The following KCTD15 variants were observed in gnomAD, a reference collection of about 807,000 sequenced individuals.
KCTD15 encodes BTB/POZ domain-containing protein KCTD15.
KCTD15 carries 11 observed loss-of-function variants against 27.2 expected under a neutral mutation model. That is an observed-to-expected ratio of 0.41 (90% CI 0.25 to 0.67). The LOEUF (loss-of-function observed/expected upper bound fraction) is 0.67. Among genes scored for constraint, KCTD15 ranks in the 30% least tolerant of loss-of-function variants. KCTD15 has a pLI of 0.35. For synonymous variants in KCTD15, 163 were observed against 176.0 expected, an observed-to-expected ratio of 0.93 and a Z score of 0.58; for missense variants, 350 against 409.3, an observed-to-expected ratio of 0.86 and a Z score of 1.25.
intron 6 of KCTD15, chr19:33,811,973 G>A (rs1975940342): frequency 2.7e-6 from 4 of 1,495,210 alleles, no homozygotes; most frequent in East Asian, 2.4e-5. Flanking sequence ...GCACCCACCA[G>A]CTGCCAAGAG....
At chr19:33,794,803 A>G (rs1047034314), upstream of KCTD15, among the ~76,000 whole-genome samples, 4 of 152,240 alleles carry the variant, frequency 2.6e-5, no homozygotes, top group Admixed American at 1.3e-4. Flanking sequence ...TGGGATGTGC[A>G]TTGATGGAGG....
At chr19:33,810,630 A>AC (rs777901385) in intron 5 of KCTD15, among the ~76,000 whole-genome samples, 8 of 151,068 alleles carry the variant, frequency 5.3e-5, no homozygotes, top group Admixed American at 4.7e-4. Context: ...GAGCCACTGC[A>AC]CTCCAGCCTG....
At chr19:33,794,648 G>A (rs1249255654), upstream of KCTD15, among the ~76,000 whole-genome samples, 2 of 152,212 alleles carry the variant, frequency 1.3e-5, no homozygotes, top group East Asian at 1.9e-4. Flanking sequence ...GGGGGAGGAC[G>A]TTTCTGTCCA....
intron 2 of KCTD15, among the ~76,000 whole-genome samples, chr19:33,800,153 A>G (rs1476177563): frequency 6.6e-6 from 1 of 152,212 alleles, no homozygotes; most frequent in Non-Finnish European, 1.5e-5. Context: ...TCATTAGCCG[A>G]ATTAGCAGAC....
chr19:33,807,042 TG>T (rs1975734831), intron 5 of KCTD15, 35 bp downstream of exon 5: 1 of 1,606,672 alleles, frequency 6.2e-7, no homozygotes, highest in African/African-American at 1.3e-5. Flanking sequence ...CTGCACTGCC[TG>T]TGTGATGGCA....
At chr19:33,795,590 A>G (rs945476810), upstream of KCTD15, among the ~76,000 whole-genome samples, 73 of 151,802 alleles carry the variant, frequency 4.8e-4, no homozygotes, top group Non-Finnish European at 8.5e-4. Context: ...GCGGGGGCGC[A>G]GTGCCGGCCA....
intron 4 of KCTD15, among the ~76,000 whole-genome samples, chr19:33,806,588 C>G (rs556395507): frequency 6.6e-6 from 1 of 152,044 alleles, no homozygotes; most frequent in Non-Finnish European, 1.5e-5. Context: ...TGTAACATAA[C>G]GTGTGTTGGC....
rs1975729089 is a variant in KCTD15, at chr19:33,806,905, C to T, written c.285C>T (p.Asp95=). The T allele has an allele frequency of 6.2e-7, 1 of 1,614,204 alleles. No individual in the cohort carries two copies. Among genetic ancestry groups the T allele is most frequent in the African/African-American group, 1.3e-5 (1 of 75,052 alleles). The change falls in exon 5 of 7, where the codon GAC becomes GAT. Residue 95 remains aspartate (D), a synonymous_variant. Transcript: ENST00000683859. Reference sequence around the variant, plus strand: ...ATGGCACTGAACCCATCGTCCTGGACAGTTTGAAGCAACATTATTTCATTG... The same window carrying T: ...ATGGCACTGAACCCATCGTCCTGGATAGTTTGAAGCAACATTATTTCATTG... The part of the protein sequence containing the change: ...LFNGTEPIVL[D]SLKQHYFIDR...
chr19:33,813,577 G>T lies in KCTD15; in HGVS notation c.*629G>T. On this transcript the variant is annotated 3_prime_UTR_variant, in exon 7 of 7. Coordinates refer to ENST00000683859, the MANE Select transcript of KCTD15 (RefSeq NM_001129994.2). ...GCAGGGCTGCTGGGAGGAGAGTGGT[G>T]GGGGCCTGAGGGCTGAGTGATTCTG... 1 of 355,108 alleles carries T rather than the reference G, an allele frequency of 2.8e-6. No homozygotes were observed. The highest frequency in any genetic ancestry group is 5.5e-6 in the Non-Finnish European group (1 of 180,822). 22.0% of individuals were successfully genotyped at this position (355,108 alleles called of 1,614,324 possible). A position where few individuals can be genotyped will look rare whatever the true frequency, so the allele number is the denominator to read the frequency against.
At chr19:33,806,188 G>A (rs898056367) in intron 4 of KCTD15, among the ~76,000 whole-genome samples, 1 of 152,248 alleles carries the variant, frequency 6.6e-6, no homozygotes, top group East Asian at 1.9e-4. Context: ...CCTCCTGTCT[G>A]CCTCTGTTTC....
At chr19:33,798,811 G>C (rs1352885560) in intron 2 of KCTD15, 45 bp downstream of exon 2, 1 of 152,568 alleles carries the variant, frequency 6.6e-6, no homozygotes, top group African/African-American at 2.4e-5. Context: ...TCTTGGGAGG[G>C]AAAAGGGGCT....
intron 1 of KCTD15, among the ~76,000 whole-genome samples, chr19:33,797,567 G>A (rs975798101): frequency 2.0e-5 from 3 of 152,084 alleles, no homozygotes; most frequent in African/African-American, 7.2e-5. Context: ...GAGAGGGGCC[G>A]CGATGGGAGG....
chr19:33,796,553 T>A (rs1334059707), upstream of KCTD15: 2 of 148,802 alleles, frequency 1.3e-5, no homozygotes, highest in East Asian at 4.0e-4. Context: ...CGCTGCCCTT[T>A]ACGTCCGGGC....
In KCTD15 at chr19:33,812,453, G is replaced by A. The variant is rs547020678; in HGVS notation, c.694-337G>A. On this transcript the variant is annotated intron_variant, in intron 6 of 6. Coordinates refer to ENST00000683859, the MANE Select transcript of KCTD15 (RefSeq NM_001129994.2). ...ACTTGGGGCCATGTGTCTGGAGAGAGGGCATAGGTTACACCCTACAGAATA... is the reference window on the plus strand; with the variant it reads ...ACTTGGGGCCATGTGTCTGGAGAGAAGGCATAGGTTACACCCTACAGAATA... The A allele has an allele frequency of 1.5e-5, 17 of 1,103,052 alleles. No individual in the cohort carries two copies. The East Asian group carries it at 7.8e-4, about 51-fold the overall frequency. The allele number at this position is 1,103,052 out of a possible 1,614,324, so 68.3% of individuals were successfully genotyped here.
rs530156798 is a variant in KCTD15, at chr19:33,806,271, A to G, written c.243-592A>G. Among the ~76,000 whole-genome samples, 4 of 152,212 alleles carry G rather than the reference A, an allele frequency of 2.6e-5. No individual in the cohort carries two copies. The East Asian group carries it at 7.7e-4, about 29-fold the overall frequency. On this transcript the variant is annotated intron_variant, in intron 4 of 6. Coordinates refer to ENST00000683859, the MANE Select transcript of KCTD15 (RefSeq NM_001129994.2). ...ATGTCTCTGGGTGCCTGGTGTTGAC[A>G]GGTGTGTGTCCTTTCCTGGATGTGT...
In KCTD15 at chr19:33,813,670, C is replaced by T. The variant is rs2145505272; in HGVS notation, c.*722C>T. The stretch of plus-strand genomic sequence containing the variant: ...GGCTGCACTCCCCGGGTCACCTGAC[C>T]TGCTGCCCAGGGGCTTCCAGTCCTG... On this transcript the variant is annotated 3_prime_UTR_variant, in exon 7 of 7. Transcript: ENST00000683859. 1 of 299,116 alleles carries T rather than the reference C, an allele frequency of 3.3e-6. No individual in the cohort carries two copies. The highest frequency in any genetic ancestry group is 1.1e-4 in the East Asian group (1 of 9,290). The allele number at this position is 299,116 out of a possible 1,614,324, so 18.5% of individuals were successfully genotyped here.
chr19:33,811,182 T>TCCCCCCCCCCCCCCA, intron 5 of KCTD15, 65 bp from the exon 6 acceptor site: 1 of 234,470 alleles, frequency 4.3e-6, no homozygotes, highest in Non-Finnish European at 8.2e-6. Context: ...CCGCCTCCCC[T>TCCCCCCCCCCCCCCA]CTCCCCCTTC....
intron 5 of KCTD15, among the ~76,000 whole-genome samples, chr19:33,808,334 T>G (rs1035450858): frequency 1.3e-5 from 2 of 152,136 alleles, no homozygotes; most frequent in African/African-American, 2.4e-5. Context: ...CCCACAACAC[T>G]TAACAGTCTA....
intron 2 of KCTD15, among the ~76,000 whole-genome samples, chr19:33,799,233 C>T (rs1975450549): frequency 6.6e-6 from 1 of 152,154 alleles, no homozygotes; most frequent in Admixed American, 6.6e-5. Flanking sequence ...GGGAGAGCAA[C>T]CTTGCTTACA....
Sources: gnomAD v4.1 joint callset for allele counts (sites outside exome capture counted in the v4.1 genomes callset) on GRCh38, gnomAD v4.1.1 for gene constraint, MANE v1.5 for transcripts, NCBI Gene and HGNC (gene_info 2026-07-23, HGNC 2026-07-21) for gene names.